SYNE2: variants seen among roughly 807,000 people sequenced by gnomAD.
SYNE2 encodes nesprin-2.
SYNE2 carries 431 observed loss-of-function variants against 856.3 expected under a neutral mutation model. The observed-to-expected ratio is 0.50, with a 90% CI of 0.47 to 0.55. SYNE2 has a LOEUF of 0.55. Among genes scored for constraint, SYNE2 ranks in the 20% least tolerant of loss-of-function variants. The pLI is 0.00. For synonymous variants in SYNE2, 2,923 were observed against 2,872.3 expected, an observed-to-expected ratio of 1.02 and a Z score of -0.56; for missense variants, 8,129 against 8,023.2, an observed-to-expected ratio of 1.01 and a Z score of -0.50.
At chr14:64,134,317 A>T in intron 78 of SYNE2, 117 bp downstream of exon 78, 6 of 1,064,866 alleles carry the variant, frequency 5.6e-6, no homozygotes, top group Non-Finnish European at 7.3e-6. Context: ...TGTTCATCAT[A>T]CAACTCACTG....
At chr14:63,775,317 C>G (rs1237080325) in intron 1 of SYNE2, among the ~76,000 whole-genome samples, 1 of 151,952 alleles carries the variant, frequency 6.6e-6, no homozygotes, top group Non-Finnish European at 1.5e-5. Context: ...CTCTGTTGCC[C>G]AGGCTGGAAT....
chr14:64,185,676 G>T (rs910704613), intron 96 of SYNE2, among the ~76,000 whole-genome samples: 1 of 151,628 alleles, frequency 6.6e-6, no homozygotes, highest in African/African-American at 2.4e-5. Context: ...GCGCGCCACC[G>T]CACCCAGCTA....
At chr14:64,156,520 A>T (rs568351514) in intron 85 of SYNE2, among the ~76,000 whole-genome samples, 1 of 150,244 alleles carries the variant, frequency 6.7e-6, no homozygotes, top group African/African-American at 2.5e-5. Flanking sequence ...GGGCAGTGGC[A>T]TGATCTCAGC....
chr14:63,944,744 C>A (rs1301044506), intron 6 of SYNE2, among the ~76,000 whole-genome samples: 1 of 150,246 alleles, frequency 6.7e-6, no homozygotes, highest in Non-Finnish European at 1.5e-5. Context: ...TGGTCTCGAA[C>A]TCCTGACCTC....
Position 64,026,639 on chromosome 14 carries a change from G to A in SYNE2, c.6313G>A (p.Glu2105Lys), listed in dbSNP as rs918423674. The change falls in exon 42 of 116, where the codon GAG (glutamate) becomes AAG (lysine). Residue 2105 changes from glutamate (E) to lysine (K), a missense_variant. Coordinates refer to ENST00000555002, the MANE Select transcript of SYNE2 (RefSeq NM_182914.3). The part of the protein sequence containing the change: ...ARIETIMKQA[E>K]SSEAPLVQKT... ...AATAGAGACCATCATGAAGCAGGCT[G>A]AGAGCAGCGAGGCCCCGCTGGTTCA... is the stretch of plus-strand genomic sequence containing the variant. 11 of 1,613,612 alleles carry A rather than the reference G, an allele frequency of 6.8e-6. No individual in the cohort carries two copies. Among genetic ancestry groups the A allele is most frequent in the African/African-American group, 1.3e-5 (1 of 74,944 alleles).
intron 33 of SYNE2, 72 bp from the exon 34 acceptor site, chr14:64,017,523 T>G (rs1300772029): frequency 2.4e-6 from 3 of 1,252,754 alleles, no homozygotes; most frequent in Non-Finnish European, 3.5e-6. Flanking sequence ...TTTAAAACAG[T>G]GTTTGGCTGA....
At chr14:64,069,700 AGAG>A (rs2097388739) in intron 51 of SYNE2, among the ~76,000 whole-genome samples, 1 of 152,188 alleles carries the variant, frequency 6.6e-6, no homozygotes, top group Admixed American at 6.5e-5. Context: ...CCTTTATCTT[AGAG>A]GAGAAGTCCT....
rs576642362 is a variant in SYNE2, at chr14:64,107,610, A to G, written c.12609+3A>G. The G allele has an allele frequency of 1.2e-6, 2 of 1,611,670 alleles. No individual in the cohort carries two copies. Among genetic ancestry groups the G allele is most frequent in the Middle Eastern group, 1.7e-4 (1 of 6,054 alleles). On this transcript the variant is annotated splice_donor_region_variant and intron_variant, in intron 65 of 115. Coordinates refer to ENST00000555002, the MANE Select transcript of SYNE2 (RefSeq NM_182914.3). Reference sequence around the variant, plus strand: ...TAAGGCCCAACCAAACAGAAGAGGTAAGTCCTGGTTGGTAATAAGTAAACT... The same window carrying G: ...TAAGGCCCAACCAAACAGAAGAGGTGAGTCCTGGTTGGTAATAAGTAAACT...
chr14:63,787,087 T>C (rs1887558287), intron 1 of SYNE2, among the ~76,000 whole-genome samples: 1 of 152,162 alleles, frequency 6.6e-6, no homozygotes. Context: ...TTTCCGTTAT[T>C]TTTGAGCCCG....
intron 94 of SYNE2, among the ~76,000 whole-genome samples, chr14:64,173,258 G>GT (rs1176639003): frequency 1.3e-5 from 2 of 152,222 alleles, no homozygotes; most frequent in East Asian, 3.8e-4. Flanking sequence ...ACGACTCTGG[G>GT]TTGAAGCTCA....
chr14:64,115,903 C>T (rs957524184), intron 66 of SYNE2, among the ~76,000 whole-genome samples: 6 of 152,124 alleles, frequency 3.9e-5, no homozygotes, highest in African/African-American at 7.2e-5. Context: ...CCTGTAATCC[C>T]AGCACTTTGG....
rs149771773 is a variant in SYNE2, at chr14:64,085,671, C to T, written c.11485-2000C>T. 9.8e-5 allele frequency among the ~76,000 whole-genome samples: 15 copies of T among 152,316 alleles called. No individual in the cohort carries two copies. In the South Asian group the frequency reaches 1.5e-3, roughly 15 times the overall value. On this transcript the variant is annotated intron_variant, in intron 57 of 115. Coordinates refer to ENST00000555002, the MANE Select transcript of SYNE2 (RefSeq NM_182914.3). ...TCTAATTGCTTCATGTTTTCAACAG[C>T]GCTTAATATTGTCTGCCTTTTAAAT...
chr14:63,995,306 C>T (rs987309034), intron 23 of SYNE2, 104 bp downstream of exon 23: 4 of 934,418 alleles, frequency 4.3e-6, no homozygotes, highest in Non-Finnish European at 6.7e-6. Flanking sequence ...TGAAAATTAC[C>T]CTAGCCCTCC....
chr14:63,912,312 C>T (rs76262030), intron 2 of SYNE2, among the ~76,000 whole-genome samples: 1,536 of 152,076 alleles, frequency 0.01, 29 homozygotes, highest in African/African-American at 0.035. Flanking sequence ...TCTAAAGGCA[C>T]CTTTGCTTTC....
In SYNE2 at chr14:63,991,073, G is replaced by T; in HGVS notation, c.2604G>T (p.Leu868=). Residue 868 remains leucine (L), a synonymous_variant, in exon 21 of 116, where the codon CTG becomes CTT. Transcript: ENST00000555002. The stretch of plus-strand genomic sequence containing the variant: ...ATATGATGAGGGCTCAGCAGTTACT[G>T]GGGCAAAGAGAGAGCCCCGGTGAAC... ...ESYMMRAQQL[L]GQRESPGELI... The T allele has an allele frequency of 6.2e-7, 1 of 1,614,100 alleles. No homozygotes were observed. The highest frequency in any genetic ancestry group is 8.5e-7 in the Non-Finnish European group (1 of 1,179,996).
chr14:63,930,821 C>G (rs1311656593), intron 2 of SYNE2, among the ~76,000 whole-genome samples: 3 of 152,304 alleles, frequency 2.0e-5, no homozygotes, highest in African/African-American at 7.2e-5. Context: ...CAGGCGTGAG[C>G]CACCACACCA....
intron 34 of SYNE2, among the ~76,000 whole-genome samples, chr14:64,018,522 G>C (rs569023859): frequency 7.9e-5 from 12 of 152,168 alleles, no homozygotes; most frequent in African/African-American, 2.9e-4. Context: ...GATTACAGGC[G>C]TGAGCCATCA....
chr14:63,765,777 A>C (rs1226035824), intron 1 of SYNE2, among the ~76,000 whole-genome samples: 1 of 150,310 alleles, frequency 6.7e-6, no homozygotes, highest in Non-Finnish European at 1.5e-5. Context: ...ATCTGGACTT[A>C]CATAGGATTG....
chr14:64,177,316 A>C (rs1366458969), intron 95 of SYNE2, 42 bp from the exon 96 acceptor site: 2 of 1,613,092 alleles, frequency 1.2e-6, no homozygotes, highest in African/African-American at 2.7e-5. Flanking sequence ...ATTCATTCTA[A>C]AGAGCAAAAT....
Sources: gnomAD v4.1 joint callset for allele counts (sites outside exome capture counted in the v4.1 genomes callset) on GRCh38, gnomAD v4.1.1 for gene constraint, MANE v1.5 for transcripts, NCBI Gene and HGNC (gene_info 2026-07-23, HGNC 2026-07-21) for gene names.